The following CSMD2 variants were observed in gnomAD, a reference collection of about 807,000 sequenced individuals.
CSMD2 encodes CUB and Sushi multiple domains 2, also known as CUB and sushi domain-containing protein 2.
CSMD2 carries 130 observed loss-of-function variants against 398.5 expected under a neutral mutation model. The ratio of observed to expected loss-of-function variants is 0.33; its 90% CI spans 0.28 to 0.38. The LOEUF (loss-of-function observed/expected upper bound fraction) is 0.38, where lower values mean the gene tolerates loss of function less well. Among genes scored for constraint, CSMD2 ranks in the 10% least tolerant of loss-of-function variants. CSMD2 has a pLI of 1.00. For missense variants in CSMD2, 3,829 were observed against 4,764.9 expected, an observed-to-expected ratio of 0.80 and a Z score of 5.78; for synonymous variants, 1,828 against 1,908.5, an observed-to-expected ratio of 0.96 and a Z score of 1.10.
At chr1:33,979,452 T>C (rs1459575160) in intron 3 of CSMD2, among the ~76,000 whole-genome samples, 1 of 152,176 alleles carries the variant, frequency 6.6e-6, no homozygotes, top group African/African-American at 2.4e-5. Flanking sequence ...TGCCCCTTCC[T>C]CCTACTGTGG....
intron 1 of CSMD2, among the ~76,000 whole-genome samples, chr1:34,098,751 A>G (rs1659661445): frequency 6.6e-6 from 1 of 152,224 alleles, no homozygotes; most frequent in Non-Finnish European, 1.5e-5. Context: ...GAATCGCACC[A>G]TATACAAAAA....
chr1:34,138,936 T>C (rs1201305888), intron 1 of CSMD2, among the ~76,000 whole-genome samples: 6 of 152,204 alleles, frequency 3.9e-5, no homozygotes, highest in Non-Finnish European at 8.8e-5. Context: ...ATTTTTCCTT[T>C]TCATATTCGA....
chr1:34,160,208 T>C (rs1476658482), intron 1 of CSMD2, among the ~76,000 whole-genome samples: 1 of 152,238 alleles, frequency 6.6e-6, no homozygotes, highest in Non-Finnish European at 1.5e-5. Flanking sequence ...TGCATGATTC[T>C]AATCTCACCT....
At chr1:33,723,245 A>G (rs1312827939) in intron 19 of CSMD2, among the ~76,000 whole-genome samples, 1 of 152,248 alleles carries the variant, frequency 6.6e-6, no homozygotes, top group Non-Finnish European at 1.5e-5. Context: ...TCTAGATCAG[A>G]GGTTCTTAAT....
intron 3 of CSMD2, among the ~76,000 whole-genome samples, chr1:33,987,703 C>T (rs770803918): frequency 5.3e-5 from 8 of 152,096 alleles, no homozygotes; most frequent in Non-Finnish European, 1.2e-4. Flanking sequence ...ACATTTCTAC[C>T]AGGAGCACCT....
chr1:33,586,706 G>A lies in CSMD2; in HGVS notation c.6938-89C>T, dbSNP rs117858696. ...ACTTCCAGGTGAGATAATCAGAGGC[G>A]GGTCATGTTCTGTTCAGACTTAAAT... On this transcript the variant is annotated intron_variant, in intron 45 of 70. Coordinates refer to ENST00000373381, the MANE Select transcript of CSMD2 (RefSeq NM_001281956.2). The A allele has an allele frequency of 9.1e-4, 731 of 801,692 alleles. 7 individuals are homozygous for A. The East Asian group carries it at 0.016, about 18-fold the overall frequency. 49.7% of individuals were successfully genotyped at this position (801,692 alleles called of 1,614,324 possible). A position where few individuals can be genotyped will look rare whatever the true frequency, so the allele number is the denominator to read the frequency against.
intron 1 of CSMD2, among the ~76,000 whole-genome samples, chr1:34,102,591 TAATCC>T (rs1351621905): frequency 0.015 from 1,260 of 84,868 alleles, 17 homozygotes; most frequent in African/African-American, 0.039. Flanking sequence ...CATATCCCTG[TAATCC>T]GGCCATATCC....
rs529985887 is a variant in CSMD2 at position 34,082,164 on chromosome 1, C to T, written c.404+6813G>A. Reference sequence around the variant, plus strand: ...GATGTGAGGAGCACCTCTGCCCGGCCGCCCCGTCTGGGAGGTGAGGAGCGT... The same window carrying T: ...GATGTGAGGAGCACCTCTGCCCGGCTGCCCCGTCTGGGAGGTGAGGAGCGT... On this transcript the variant is annotated intron_variant, in intron 2 of 70. Transcript: ENST00000373381. Among the ~76,000 whole-genome samples the T allele has an allele frequency of 3.3e-4, 49 of 149,864 alleles. No homozygotes were observed. The South Asian group carries it at 8.7e-3, about 27-fold the overall frequency.
chr1:33,739,654 C>A (rs1047476620), intron 14 of CSMD2, among the ~76,000 whole-genome samples: 2 of 152,214 alleles, frequency 1.3e-5, no homozygotes, highest in Non-Finnish European at 2.9e-5. Flanking sequence ...TGTTACCCTA[C>A]TTTACAAATG....
At chr1:33,786,605 C>G (rs924314448) in intron 12 of CSMD2, among the ~76,000 whole-genome samples, 3 of 152,190 alleles carry the variant, frequency 2.0e-5, no homozygotes, top group Non-Finnish European at 4.4e-5. Flanking sequence ...ATCTAACCAT[C>G]TTCACAGGAC....
Position 33,807,356 on chromosome 1 carries a change from C to T in CSMD2, c.1446+3387G>A, listed in dbSNP as rs1226376769. On this transcript the variant is annotated intron_variant, in intron 10 of 70. Transcript: ENST00000373381. ...CCCAACCTCAGCATCATGCAATATA[C>T]CCATGTAACAAACCTGCACATGTAC... Among the ~76,000 whole-genome samples the T allele has an allele frequency of 3.3e-5, 5 of 152,116 alleles. No homozygotes were observed. In the South Asian group the frequency reaches 6.2e-4, roughly 19 times the overall value.
At chr1:33,944,530 T>C (rs1435072129) in intron 3 of CSMD2, among the ~76,000 whole-genome samples, 3 of 152,176 alleles carry the variant, frequency 2.0e-5, no homozygotes, top group South Asian at 2.1e-4. Context: ...TTTTAGTCTT[T>C]ATAGCTAATC....
chr1:33,611,228 G>C lies in CSMD2; in HGVS notation c.6156C>G (p.Asn2052Lys). The C allele has an allele frequency of 6.2e-7, 1 of 1,614,092 alleles. No homozygotes were observed. Among genetic ancestry groups the C allele is most frequent in the Non-Finnish European group, 8.5e-7 (1 of 1,180,012 alleles). ...VGFGAHIQFL[N>K]FSTEPNHDYI... The stretch of plus-strand genomic sequence containing the variant: ...AGTCGTGGTTGGGCTCGGTGGAGAA[G>C]TTCAGGAACTGGATGTGAGCTCCTG... The change falls in exon 41 of 71, where the codon AAC becomes AAG. Residue 2052 changes from asparagine (N) to lysine (K), a missense_variant. Coordinates refer to ENST00000373381, the MANE Select transcript of CSMD2 (RefSeq NM_001281956.2).
chr1:33,545,894 T>C, intron 57 of CSMD2, 143 bp downstream of exon 57: 6 of 674,696 alleles, frequency 8.9e-6, no homozygotes, highest in Non-Finnish European at 1.5e-5. Context: ...GAATTATCTG[T>C]TGCAGTCCTA....
intron 3 of CSMD2, among the ~76,000 whole-genome samples, chr1:34,011,447 C>T (rs1012823063): frequency 3.3e-5 from 5 of 152,198 alleles, no homozygotes; most frequent in South Asian, 4.2e-4. Flanking sequence ...GAAACAGAAA[C>T]GAAGAGAGGC....
chr1:33,870,511 A>G (rs1298703016), intron 5 of CSMD2: 1 of 152,220 alleles, frequency 6.6e-6, no homozygotes, highest in Non-Finnish European at 1.5e-5. Context: ...GCATTGCAAC[A>G]GCTCTCCCTA....
chr1:33,730,029 G>A (rs1022679774), intron 15 of CSMD2, among the ~76,000 whole-genome samples: 2 of 152,216 alleles, frequency 1.3e-5, no homozygotes, highest in Non-Finnish European at 2.9e-5. Flanking sequence ...CACTATTTGT[G>A]ATAGCAAATG....
At chr1:33,762,869 C>T (rs1300271806) in intron 13 of CSMD2, among the ~76,000 whole-genome samples, 2 of 152,128 alleles carry the variant, frequency 1.3e-5, no homozygotes, top group African/African-American at 2.4e-5. Flanking sequence ...ATGGCCAGTA[C>T]ATAGTACCCA....
At chr1:33,556,068 G>C (rs879759581) in intron 55 of CSMD2, among the ~76,000 whole-genome samples, 1 of 152,164 alleles carries the variant, frequency 6.6e-6, no homozygotes, top group African/African-American at 2.4e-5. Context: ...AGCAGCAAGA[G>C]AACCAGAATT....
Sources: allele counts gnomAD v4.1 joint callset (sites outside exome capture counted in the v4.1 genomes callset), GRCh38; gene constraint gnomAD v4.1.1; transcripts MANE v1.5; gene names NCBI Gene and HGNC (gene_info 2026-07-23, HGNC 2026-07-21).